Variants in RGS7 observed in about 807,000 individuals in gnomAD.
RGS7 encodes regulator of G protein signaling 7.
RGS7 carries 27 observed loss-of-function variants against 81.1 expected under a neutral mutation model. That is an observed-to-expected ratio of 0.33 (90% CI 0.25 to 0.46). The LOEUF is 0.46. Among genes scored for constraint, RGS7 ranks in the 20% least tolerant of loss-of-function variants. The pLI, the probability that RGS7 is intolerant of heterozygous loss-of-function variation, is 1.00. For missense variants in RGS7, 396 were observed against 607.4 expected, an observed-to-expected ratio of 0.65 and a Z score of 3.66; for synonymous variants, 208 against 207.7, an observed-to-expected ratio of 1.00 and a Z score of -0.01.
chr1:240,926,993 G>A (rs1437772286), intron 6 of RGS7, among the ~76,000 whole-genome samples: 1 of 152,038 alleles, frequency 6.6e-6, no homozygotes, highest in African/African-American at 2.4e-5. Flanking sequence ...GAACCTACTT[G>A]GTAAGTTTAA....
chr1:240,859,964 C>A (rs1335547240), intron 9 of RGS7, among the ~76,000 whole-genome samples: 1 of 151,884 alleles, frequency 6.6e-6, no homozygotes, highest in Non-Finnish European at 1.5e-5. Context: ...CTTCTATGAC[C>A]CATGTGTTAT....
At chr1:240,939,546 T>C (rs956553078) in intron 4 of RGS7, among the ~76,000 whole-genome samples, 43 of 152,196 alleles carry the variant, frequency 2.8e-4, no homozygotes, top group African/African-American at 9.9e-4. Context: ...GGTTAAATTC[T>C]GAATCCCTAA....
intron 12 of RGS7, 40 bp from the exon 13 acceptor site, chr1:240,813,768 A>C (rs778194031): frequency 7.4e-7 from 1 of 1,346,800 alleles, no homozygotes; most frequent in South Asian, 1.2e-5. Flanking sequence ...TAGTTTTCTG[A>C]CTGGGGTTGC....
At chr1:241,239,835 A>G (rs1416491298) in intron 2 of RGS7, among the ~76,000 whole-genome samples, 2 of 152,230 alleles carry the variant, frequency 1.3e-5, no homozygotes. Context: ...ATACCACAGA[A>G]AAGCTAGGCA....
At chr1:240,785,826 T>A (rs1684970092) in intron 18 of RGS7, among the ~76,000 whole-genome samples, 1 of 152,232 alleles carries the variant, frequency 6.6e-6, no homozygotes, top group East Asian at 1.9e-4. Context: ...TTCTTCCAGG[T>A]AAACTTACAA....
At chr1:240,958,599 A>T (rs1680829212) in intron 4 of RGS7, among the ~76,000 whole-genome samples, 3 of 152,280 alleles carry the variant, frequency 2.0e-5, no homozygotes, top group Admixed American at 6.5e-5. Context: ...TCTATAAAGA[A>T]ACTGCTCCTC....
At chr1:240,846,260 T>C (rs1172686915) in intron 9 of RGS7, among the ~76,000 whole-genome samples, 2 of 152,182 alleles carry the variant, frequency 1.3e-5, no homozygotes, top group African/African-American at 4.8e-5. Flanking sequence ...TCTCAAAAGT[T>C]TTTTTCCTTA....
At chr1:241,190,825 G>A (rs1415550251) in intron 2 of RGS7, among the ~76,000 whole-genome samples, 1 of 151,684 alleles carries the variant, frequency 6.6e-6, no homozygotes, top group Non-Finnish European at 1.5e-5. Context: ...TATTGCATTA[G>A]CAATACCTTC....
chr1:240,826,190 C>T (rs115749623), intron 10 of RGS7, among the ~76,000 whole-genome samples: 59 of 152,292 alleles, frequency 3.9e-4, no homozygotes, highest in African/African-American at 1.3e-3. Context: ...ATTTGAGCAC[C>T]GCATCCGAAT....
intron 3 of RGS7, among the ~76,000 whole-genome samples, chr1:241,087,580 AC>A (rs994645927): frequency 7.2e-5 from 11 of 152,172 alleles, no homozygotes; most frequent in African/African-American, 2.7e-4. Context: ...TTAATCAAAT[AC>A]TACTTACTGT....
chr1:240,883,574 C>G (rs956923268), intron 6 of RGS7, among the ~76,000 whole-genome samples: 6 of 152,152 alleles, frequency 3.9e-5, no homozygotes, highest in African/African-American at 1.4e-4. Context: ...GCCCTCAAAT[C>G]AATAACTCAT....
chr1:240,968,816 T>G (rs1432156669), intron 4 of RGS7, among the ~76,000 whole-genome samples: 1 of 152,196 alleles, frequency 6.6e-6, no homozygotes, highest in Admixed American at 6.5e-5. Flanking sequence ...ACTGCTGTAG[T>G]TAGCATCTCC....
intron 2 of RGS7, among the ~76,000 whole-genome samples, chr1:241,221,376 C>T (rs2075002035): frequency 6.6e-6 from 1 of 152,202 alleles, no homozygotes; most frequent in Non-Finnish European, 1.5e-5. Flanking sequence ...TGCTCACCCA[C>T]CTGTTTCCTT....
At chr1:240,935,152 C>A (rs1397231689) in intron 5 of RGS7, among the ~76,000 whole-genome samples, 2 of 152,004 alleles carry the variant, frequency 1.3e-5, no homozygotes, top group African/African-American at 2.4e-5. Context: ...CCCGCCCTGG[C>A]CTCCCAAAGT....
chr1:241,108,255 A>T (rs938906617), intron 2 of RGS7, among the ~76,000 whole-genome samples: 12 of 151,298 alleles, frequency 7.9e-5, no homozygotes, highest in Non-Finnish European at 1.5e-4. Context: ...GTGAGCCGAG[A>T]ACACACCACT....
At chr1:241,189,923 G>A (rs2072474940) in intron 2 of RGS7, among the ~76,000 whole-genome samples, 1 of 151,986 alleles carries the variant, frequency 6.6e-6, no homozygotes, top group African/African-American at 2.4e-5. Context: ...AGCCCACGGT[G>A]AAACCCCGTC....
chr1:241,271,956 T>G lies in RGS7; in HGVS notation c.78+83743A>C, dbSNP rs2077927821. 6.6e-6 allele frequency among the ~76,000 whole-genome samples: 1 copy of G among 150,980 alleles called. No homozygotes were observed. Among genetic ancestry groups the G allele is most frequent in the Non-Finnish European group, 1.5e-5 (1 of 67,816 alleles). Reference sequence around the variant, plus strand: ...GTAGACACACTATTGGTTCTGTTTCTCTGGAGAACCCTGACTACTAGAATT... The same window carrying G: ...GTAGACACACTATTGGTTCTGTTTCGCTGGAGAACCCTGACTACTAGAATT... On this transcript the variant is annotated intron_variant, in intron 2 of 18. Coordinates refer to ENST00000440928, the MANE Select transcript of RGS7 (RefSeq NM_001364886.1). The surrounding 1 kb of genome is among the most constrained non-coding windows in gnomAD (Gnocchi z 4.6).
chr1:241,231,892 C>T (rs948612089), intron 2 of RGS7, among the ~76,000 whole-genome samples: 2 of 152,282 alleles, frequency 1.3e-5, no homozygotes, highest in East Asian at 1.9e-4. Context: ...TCTAAAAACT[C>T]ATTGCCTAAC....
intron 9 of RGS7, among the ~76,000 whole-genome samples, chr1:240,853,794 A>C (rs541130561): frequency 6.8e-6 from 1 of 146,336 alleles, no homozygotes; most frequent in Admixed American, 7.1e-5. Flanking sequence ...CCAGCTACTC[A>C]GGAGGCTGAG....
Sources: gnomAD v4.1 joint callset for allele counts (sites outside exome capture counted in the v4.1 genomes callset) on GRCh38, gnomAD v4.1.1 for gene constraint, Gnocchi (gnomAD v3.1) non-coding constraint, MANE v1.5 for transcripts, NCBI Gene and HGNC (gene_info 2026-07-23, HGNC 2026-07-21) for gene names.